The following SUDS3 variants were observed in gnomAD, a reference collection of about 807,000 sequenced individuals.
SUDS3 encodes SIN3A corepressor complex component SDS3, also known as sin3 histone deacetylase corepressor complex component SDS3.
In SUDS3, 23 loss-of-function variants were observed where a neutral mutation model predicts 53.5. The observed-to-expected ratio is 0.43, with a 90% CI of 0.31 to 0.61. The LOEUF is 0.61. SUDS3 is among the 20% of genes least tolerant of loss of function. SUDS3 has a pLI of 0.10. For synonymous variants in SUDS3, 150 were observed against 148.5 expected, an observed-to-expected ratio of 1.01 and a Z score of -0.08; for missense variants, 291 against 405.9, an observed-to-expected ratio of 0.72 and a Z score of 2.43.
In SUDS3 at chr12:118,391,602, C is replaced by CTCTGGCT. The variant is rs2046168676; in HGVS notation, c.517+322_517+328dup. Among the ~76,000 whole-genome samples the CTCTGGCT allele has an allele frequency of 2.0e-5, 3 of 152,338 alleles. No homozygotes were observed. In the South Asian group the frequency reaches 6.2e-4, roughly 32 times the overall value. On this transcript the variant is annotated intron_variant, in intron 6 of 11. Transcript: ENST00000543473. The stretch of plus-strand genomic sequence containing the variant: ...CTAGACCTTTAATAGTAATTGCAAG[C>CTCTGGCT]TCTGGCTTAGACTCTACTTAATTCC...
intron 11 of SUDS3, among the ~76,000 whole-genome samples, chr12:118,411,443 A>G (rs1173855695): frequency 6.6e-6 from 1 of 152,186 alleles, no homozygotes; most frequent in Non-Finnish European, 1.5e-5. Flanking sequence ...ATTCCAGGAA[A>G]GAACAAAAAG....
At chr12:118,405,916 G>A (rs1486833571) in intron 10 of SUDS3, among the ~76,000 whole-genome samples, 1 of 152,176 alleles carries the variant, frequency 6.6e-6, no homozygotes, top group Admixed American at 6.5e-5. Context: ...GTATTTTGGT[G>A]CAGCCGTATT....
chr12:118,381,125 C>T (rs1047353057), intron 2 of SUDS3, among the ~76,000 whole-genome samples: 7 of 152,212 alleles, frequency 4.6e-5, no homozygotes, highest in South Asian at 4.2e-4. Flanking sequence ...GACAAGGTGC[C>T]GGAGGCCTGG....
chr12:118,394,034 A>G (rs1022855735), intron 6 of SUDS3, among the ~76,000 whole-genome samples: 1 of 152,114 alleles, frequency 6.6e-6, no homozygotes, highest in Non-Finnish European at 1.5e-5. Flanking sequence ...GATAGCTGAT[A>G]CCACAAGTCA....
chr12:118,393,390 G>GC (rs2046185182), intron 6 of SUDS3, among the ~76,000 whole-genome samples: 1 of 152,178 alleles, frequency 6.6e-6, no homozygotes, highest in Non-Finnish European at 1.5e-5. Flanking sequence ...GGAAACGGGT[G>GC]TATTTGGCGA....
chr12:118,386,032 T>C lies in SUDS3; in HGVS notation c.269-82T>C, dbSNP rs2046111723. The C allele has an allele frequency of 4.7e-6, 5 of 1,059,610 alleles. No individual in the cohort carries two copies. In the South Asian group the frequency reaches 6.9e-5, roughly 15 times the overall value. The allele number at this position is 1,059,610 out of a possible 1,614,324, so 65.6% of individuals were successfully genotyped here. A position where few individuals can be genotyped will look rare whatever the true frequency, so the allele number is the denominator to read the frequency against. ...GTGTTACTGAAACAGTCAGTGTTGA[T>C]GCTAGATAATAATTTTAGGAAGCAA... On this transcript the variant is annotated intron_variant, in intron 3 of 11. Transcript: ENST00000543473.
intron 10 of SUDS3, among the ~76,000 whole-genome samples, chr12:118,410,753 T>C (rs952864977): frequency 1.3e-5 from 2 of 151,932 alleles, no homozygotes; most frequent in Admixed American, 6.6e-5. Context: ...CCTGCCACCA[T>C]GCCCGGCTAC....
intron 1 of SUDS3, 64 bp downstream of exon 1, chr12:118,376,897 G>T (rs2046002253): frequency 1.4e-6 from 2 of 1,420,600 alleles, no homozygotes; most frequent in Non-Finnish European, 1.8e-6. Flanking sequence ...AGGGGGTGGG[G>T]CTGTTCGGGA....
chr12:118,402,195 C>G, intron 9 of SUDS3, 191 bp downstream of exon 9: 5 of 581,072 alleles, frequency 8.6e-6, no homozygotes, highest in Non-Finnish European at 1.5e-5. Context: ...TTTCATAACC[C>G]CTGCTTTGTT....
At chr12:118,385,806 T>G (rs576656574) in intron 3 of SUDS3, among the ~76,000 whole-genome samples, 35 of 152,300 alleles carry the variant, frequency 2.3e-4, no homozygotes, top group African/African-American at 7.7e-4. Flanking sequence ...CCTTTTCCAG[T>G]AAAGGAAGGC....
Position 118,389,840 on chromosome 12 carries a change from A to G in SUDS3, c.341-87A>G, listed in dbSNP as rs2046149443. Reference sequence around the variant, plus strand: ...CTTTGTAACATGCTTTCAGAAAGCAATTACTGCTTCTAAATGAATGCTAAC... The same window carrying G: ...CTTTGTAACATGCTTTCAGAAAGCAGTTACTGCTTCTAAATGAATGCTAAC... On this transcript the variant is annotated intron_variant, in intron 4 of 11. Coordinates refer to ENST00000543473, the MANE Select transcript of SUDS3 (RefSeq NM_022491.3). The G allele has an allele frequency of 5.3e-6, 8 of 1,523,464 alleles. No individual in the cohort carries two copies. In the Admixed American group the frequency reaches 1.2e-4, roughly 23 times the overall value. 94.4% of individuals were successfully genotyped at this position (1,523,464 alleles called of 1,614,324 possible). A position where few individuals can be genotyped will look rare whatever the true frequency, so the allele number is the denominator to read the frequency against.
At chr12:118,413,921 A>G (rs1448325673) in intron 11 of SUDS3, among the ~76,000 whole-genome samples, 4 of 152,200 alleles carry the variant, frequency 2.6e-5, no homozygotes, top group African/African-American at 9.7e-5. Flanking sequence ...AAGTTTGTAT[A>G]ATATGGAAGT....
In SUDS3 at chr12:118,417,396, T is replaced by G. The variant is rs2046410607; in HGVS notation, c.*2963T>G. On this transcript the variant is annotated 3_prime_UTR_variant, in exon 12 of 12. Transcript: ENST00000543473. ...ACCTAATTCTGGAGAGAAGATTGTA[T>G]TTTTTACAGTTTTTTGGGTTTGGCT... The G allele has an allele frequency of 6.6e-6, 1 of 152,188 alleles. No individual in the cohort carries two copies. The highest frequency in any genetic ancestry group is 1.5e-5 in the Non-Finnish European group (1 of 68,030). 9.4% of individuals were successfully genotyped at this position (152,188 alleles called of 1,614,324 possible).
At chr12:118,405,727 G>A (rs1334986760) in intron 10 of SUDS3, among the ~76,000 whole-genome samples, 1 of 152,202 alleles carries the variant, frequency 6.6e-6, no homozygotes, top group Non-Finnish European at 1.5e-5. Flanking sequence ...CAATTGAAAA[G>A]TGTTCCTGGG....
chr12:118,386,014 T>C, intron 3 of SUDS3, 100 bp from the exon 4 acceptor site: 1 of 934,354 alleles, frequency 1.1e-6, no homozygotes. Context: ...TTGGTGTTAC[T>C]GAAACAGTCA....
intron 1 of SUDS3, among the ~76,000 whole-genome samples, chr12:118,379,117 A>G (rs745814360): frequency 4.6e-5 from 7 of 150,884 alleles, no homozygotes; most frequent in Non-Finnish European, 8.8e-5. Context: ...TGGCCTGGAT[A>G]TTCTAAGTAA....
chr12:118,417,862 A>G lies in SUDS3; in HGVS notation c.*3429A>G, dbSNP rs1188354574. On this transcript the variant is annotated 3_prime_UTR_variant, in exon 12 of 12. Transcript: ENST00000543473. Reference sequence around the variant, plus strand: ...AGACATTTAATTCTTAGTGAAGACTAAGATACAGAATGATGTCAGGCTAAT... The same window carrying G: ...AGACATTTAATTCTTAGTGAAGACTGAGATACAGAATGATGTCAGGCTAAT... 4 of 152,186 alleles carry G rather than the reference A, an allele frequency of 2.6e-5. No homozygotes were observed. Among genetic ancestry groups the G allele is most frequent in the African/African-American group, 7.2e-5 (3 of 41,444 alleles). The allele number at this position is 152,186 out of a possible 1,614,324, so 9.4% of individuals were successfully genotyped here.
At position 118,416,625 on chromosome 12, in the gene SUDS3, C is replaced by T. The variant is rs1248325806; in HGVS notation, c.*2192C>T. 6.6e-6 allele frequency: 1 copy of T among 152,154 alleles called. No homozygotes were observed. Among genetic ancestry groups the T allele is most frequent in the Non-Finnish European group, 1.5e-5 (1 of 68,038 alleles). The allele number at this position is 152,154 out of a possible 1,614,324, so 9.4% of individuals were successfully genotyped here. A position where few individuals can be genotyped will look rare whatever the true frequency, so the allele number is the denominator to read the frequency against. On this transcript the variant is annotated 3_prime_UTR_variant, in exon 12 of 12. Coordinates refer to ENST00000543473, the MANE Select transcript of SUDS3 (RefSeq NM_022491.3). Reference sequence around the variant, plus strand: ...GCATAGTAAATTACATTTCTAATCCCAGAGGACTTAATATTTTCTTTTGTC... The same window carrying T: ...GCATAGTAAATTACATTTCTAATCCTAGAGGACTTAATATTTTCTTTTGTC...
rs753925510 is a variant in SUDS3, at chr12:118,376,658, C to T, written c.-34C>T. The T allele has an allele frequency of 1.0e-5, 15 of 1,435,280 alleles. No individual in the cohort carries two copies. The highest frequency in any genetic ancestry group is 2.8e-5 in the East Asian group (1 of 35,384). 88.9% of individuals were successfully genotyped at this position (1,435,280 alleles called of 1,614,324 possible). A position where few individuals can be genotyped will look rare whatever the true frequency, so the allele number is the denominator to read the frequency against. ...TACCGAGCGCGGGTGGCCGCGGTGT[C>T]CGTGGGCCACGCTCAGCTGCGGTCA... On this transcript the variant is annotated 5_prime_UTR_variant, in exon 1 of 12. Transcript: ENST00000543473.
Sources: gnomAD v4.1 joint callset for allele counts (sites outside exome capture counted in the v4.1 genomes callset) on GRCh38, gnomAD v4.1.1 for gene constraint, MANE v1.5 for transcripts, NCBI Gene and HGNC (gene_info 2026-07-23, HGNC 2026-07-21) for gene names.